DEFB126: variants seen among roughly 807,000 people sequenced by gnomAD.
DEFB126 encodes defensin beta 126.
In DEFB126, 2 loss-of-function variants were observed where a neutral mutation model predicts 2.5. The observed-to-expected ratio is 0.79, with a 90% confidence interval of 0.32 to 2.49. The LOEUF is 2.49. Ranked by LOEUF, DEFB126 falls within the 30% of genes most tolerant of loss-of-function variation. The probability of loss-of-function intolerance (pLI) is 0.11; values close to 1 mark genes in which losing one functional copy is unlikely to be tolerated. For synonymous variants in DEFB126, 51 were observed against 45.4 expected, an observed-to-expected ratio of 1.12 and a Z score of -0.50; for missense variants, 136 against 135.4, an observed-to-expected ratio of 1.00 and a Z score of -0.02.
intron 1 of DEFB126, among the ~76,000 whole-genome samples, chr20:143,473 G>T (rs1318769244): frequency 6.6e-6 from 1 of 152,036 alleles, no homozygotes; most frequent in African/African-American, 2.4e-5. Context: ...AATACAATTT[G>T]CAGTAGATGC....
rs148355123 is a variant in DEFB126 at position 145,301 on chromosome 20, T to C, written c.59-114T>C. 9.0e-5 allele frequency: 91 copies of C among 1,010,768 alleles called. No homozygotes were observed. In the African/African-American group the frequency reaches 1.4e-3, roughly 15 times the overall value. The allele number at this position is 1,010,768 out of a possible 1,614,324, so 62.6% of individuals were successfully genotyped here. On this transcript the variant is annotated intron_variant, in intron 1 of 1. Transcript: ENST00000382398. ...TAGGTATTTATGATTAGGAAAAACA[T>C]GCTAAAGCAACTGGAAAGGCACTTG...
intron 1 of DEFB126, 146 bp from the exon 2 acceptor site, chr20:145,269 C>T (rs192270802): frequency 2.9e-6 from 2 of 695,048 alleles, no homozygotes; most frequent in African/African-American, 1.8e-5. Context: ...TCACTTAATC[C>T]TCAAAGTAGG....
In DEFB126 at chr20:142,615, C is replaced by A. The variant is rs2054652696; in HGVS notation, c.-14C>A. The A allele has an allele frequency of 6.2e-7, 1 of 1,613,446 alleles. No individual in the cohort carries two copies. Among genetic ancestry groups the A allele is most frequent in the East Asian group, 2.2e-5 (1 of 44,892 alleles). The stretch of plus-strand genomic sequence containing the variant: ...ATAGAGACTTCTGGACTCTATAGAA[C>A]CCACTGCCTCCTGATGAAGTCCCTA... On this transcript the variant is annotated 5_prime_UTR_variant, in exon 1 of 2. Transcript: ENST00000382398.
At chr20:145,278 G>A (rs1316147268) in intron 1 of DEFB126, 137 bp from the exon 2 acceptor site, 5 of 726,758 alleles carry the variant, frequency 6.9e-6, no homozygotes, top group Non-Finnish European at 1.1e-5. Context: ...CCTCAAAGTA[G>A]GTATTTATGA....
chr20:143,637 A>AT (rs1489092926), intron 1 of DEFB126, among the ~76,000 whole-genome samples: 2 of 152,138 alleles, frequency 1.3e-5, no homozygotes, highest in Non-Finnish European at 2.9e-5. Flanking sequence ...GTATAGGTAA[A>AT]TTTTAGAAGT....
intron 1 of DEFB126, 77 bp from the exon 2 acceptor site, chr20:145,338 C>T: frequency 7.1e-7 from 1 of 1,412,164 alleles, no homozygotes; most frequent in Non-Finnish European, 9.6e-7. Flanking sequence ...ATAAACAGTG[C>T]TCAAAAACTA....
rs2054663343 is a variant in DEFB126 at position 145,484 on chromosome 20, T to C, written c.128T>C (p.Met43Thr). 2 of 1,613,462 alleles carry C rather than the reference T, an allele frequency of 1.2e-6. No individual in the cohort carries two copies. Among genetic ancestry groups the C allele is most frequent in the African/African-American group, 1.3e-5 (1 of 74,694 alleles). Reference sequence around the variant, plus strand: ...AAGAAGAAGTGCAAACCTGAAGAGATGCATGTAAAGAATGGTTGGGCAATG... The same window carrying C: ...AAGAAGAAGTGCAAACCTGAAGAGACGCATGTAAAGAATGGTTGGGCAATG... ...ICKKKCKPEE[M>T]HVKNGWAMCG... Residue 43 changes from methionine to threonine, a missense_variant, in exon 2 of 2, where the codon ATG becomes ACG. Coordinates refer to ENST00000382398, the MANE Select transcript of DEFB126 (RefSeq NM_030931.4).
intron 1 of DEFB126, among the ~76,000 whole-genome samples, chr20:142,958 C>T (rs2054653977): frequency 6.6e-6 from 1 of 152,146 alleles, no homozygotes; most frequent in African/African-American, 2.4e-5. Context: ...TCCCAAACTT[C>T]TATCCTGTCA....
At chr20:145,388 A>C (rs763583575) in intron 1 of DEFB126, 27 bp from the exon 2 acceptor site, 1 of 1,602,056 alleles carries the variant, frequency 6.2e-7, no homozygotes, top group South Asian at 1.1e-5. Context: ...ACTTAGGCTT[A>C]ATAATCTATA....
At chr20:143,672 A>G (rs1364509770) in intron 1 of DEFB126, among the ~76,000 whole-genome samples, 5 of 152,062 alleles carry the variant, frequency 3.3e-5, no homozygotes, top group Non-Finnish European at 5.9e-5. Context: ...CAAGGGTATT[A>G]TTTCTTCTAA....
Position 145,470 on chromosome 20 carries a change from C to T in DEFB126, c.114C>T (p.Cys38=), listed in dbSNP as rs768487465. The part of the protein sequence containing the change: ...LNDVGICKKK[C]KPEEMHVKNG... Reference sequence around the variant, plus strand: ...ACGTTGGAATTTGCAAGAAGAAGTGCAAACCTGAAGAGATGCATGTAAAGA... The same window carrying T: ...ACGTTGGAATTTGCAAGAAGAAGTGTAAACCTGAAGAGATGCATGTAAAGA... Residue 38 remains cysteine, a synonymous_variant, in exon 2 of 2, where the codon TGC becomes TGT. Coordinates refer to ENST00000382398, the MANE Select transcript of DEFB126 (RefSeq NM_030931.4). 3.1e-6 allele frequency: 5 copies of T among 1,613,806 alleles called. No homozygotes were observed. The East Asian group carries it at 6.7e-5, about 22-fold the overall frequency.
At position 145,510 on chromosome 20, in the gene DEFB126, T is replaced by A. The variant is rs2054663553; in HGVS notation, c.154T>A (p.Cys52Ser). The A allele has an allele frequency of 6.2e-7, 1 of 1,607,642 alleles. No individual in the cohort carries two copies. Among genetic ancestry groups the A allele is most frequent in the Admixed American group, 1.7e-5 (1 of 59,466 alleles). ...EMHVKNGWAM[C>S]GKQRDCCVPA... ...GCATGTAAAGAATGGTTGGGCAATG[T>A]GCGGCAAACAAAGGGACTGCTGTGT... Residue 52 changes from cysteine (C) to serine (S), a missense_variant, in exon 2 of 2, where the codon TGC (cysteine) becomes AGC (serine). Coordinates refer to ENST00000382398, the MANE Select transcript of DEFB126 (RefSeq NM_030931.4).
intron 1 of DEFB126, among the ~76,000 whole-genome samples, chr20:143,928 C>T (rs1040824469): frequency 6.6e-6 from 1 of 152,020 alleles, no homozygotes; most frequent in Non-Finnish European, 1.5e-5. Flanking sequence ...TTTTTTACAC[C>T]GGACTCAATC....
rs565144565 is a variant in DEFB126 at position 144,508 on chromosome 20, A to G, written c.59-907A>G. ...CTCTCCAATGTAAGGTCCTCAAATC[A>G]TGTCTTTCTGTTCATTGTTTTATTC... On this transcript the variant is annotated intron_variant, in intron 1 of 1. Coordinates refer to ENST00000382398, the MANE Select transcript of DEFB126 (RefSeq NM_030931.4). Among the ~76,000 whole-genome samples the G allele has an allele frequency of 1.9e-4, 29 of 152,082 alleles. 1 individual carries two copies. Among genetic ancestry groups the G allele is most frequent in the South Asian group, 1.9e-3 (9 of 4,816 alleles).
chr20:143,524 A>C (rs1460575944), intron 1 of DEFB126, among the ~76,000 whole-genome samples: 1 of 152,154 alleles, frequency 6.6e-6, no homozygotes, highest in African/African-American at 2.4e-5. Flanking sequence ...TTAACTTGGA[A>C]AGTCCTTAAT....
chr20:145,650 G>A lies in DEFB126; in HGVS notation c.294G>A (p.Ser98=), dbSNP rs180725833. Reference sequence around the variant, plus strand: ...CAACTTTGATGATGACTACTGCTTCGATGTCTTCGATGGCTCCTACCCCCG... The same window carrying A: ...CAACTTTGATGATGACTACTGCTTCAATGTCTTCGATGGCTCCTACCCCCG... ...ATTTLMMTTA[S]MSSMAPTPVS... is the part of the protein sequence containing the mutation. The change falls in exon 2 of 2, where the codon TCG becomes TCA. Residue 98 remains serine, a synonymous_variant. Coordinates refer to ENST00000382398, the MANE Select transcript of DEFB126 (RefSeq NM_030931.4). 1.3e-4 allele frequency: 211 copies of A among 1,590,036 alleles called. No individual in the cohort carries two copies. The highest frequency in any genetic ancestry group is 1.7e-4 in the Non-Finnish European group (197 of 1,171,188).
Position 142,651 on chromosome 20 carries a change from T to A in DEFB126, c.23T>A (p.Leu8His). 6.2e-7 allele frequency: 1 copy of A among 1,613,854 alleles called. No homozygotes were observed. The change falls in exon 1 of 2, where the codon CTT becomes CAT. Residue 8 changes from leucine to histidine, a missense_variant. Physicochemically the swap from Leu to His is moderately conservative, Grantham distance 99 (BLOSUM62 -3). Transcript: ENST00000382398. ...CTGATGAAGTCCCTACTGTTCACCC[T>A]TGCAGTTTTTATGCTCCTGGCCCAA... MKSLLFT[L>H]AVFMLLAQLV... is the part of the protein sequence containing the mutation.
Position 142,655 on chromosome 20 carries a change from A to G in DEFB126, c.27A>G (p.Ala9=), listed in dbSNP as rs2054652820. The G allele has an allele frequency of 6.2e-6, 10 of 1,613,742 alleles. No individual in the cohort carries two copies. In the East Asian group the frequency reaches 8.9e-5, roughly 14 times the overall value. MKSLLFTL[A]VFMLLAQLVS... Reference sequence around the variant, plus strand: ...TGAAGTCCCTACTGTTCACCCTTGCAGTTTTTATGCTCCTGGCCCAATTGG... The same window carrying G: ...TGAAGTCCCTACTGTTCACCCTTGCGGTTTTTATGCTCCTGGCCCAATTGG... Residue 9 remains alanine (A), a synonymous_variant, in exon 1 of 2, where the codon GCA becomes GCG. Coordinates refer to ENST00000382398, the MANE Select transcript of DEFB126 (RefSeq NM_030931.4).
At chr20:144,086 A>G (rs1201660141) in intron 1 of DEFB126, among the ~76,000 whole-genome samples, 1 of 152,130 alleles carries the variant, frequency 6.6e-6, no homozygotes, top group African/African-American at 2.4e-5. Context: ...ATAGTGGATA[A>G]GAGGAAATTA....
Sources: gnomAD v4.1 joint callset for allele counts (sites outside exome capture counted in the v4.1 genomes callset) on GRCh38, gnomAD v4.1.1 for gene constraint, MANE v1.5 for transcripts, NCBI Gene and HGNC (gene_info 2026-07-23, HGNC 2026-07-21) for gene names.